The following SLC25A21 variants were observed in gnomAD, a reference collection of about 807,000 sequenced individuals.
SLC25A21 encodes mitochondrial 2-oxodicarboxylate carrier.
In SLC25A21, 47 loss-of-function variants were observed where a neutral mutation model predicts 43.8. That is an observed-to-expected ratio of 1.07 (90% CI 0.85 to 1.37). The LOEUF (loss-of-function observed/expected upper bound fraction) is 1.37. Among genes scored for constraint, SLC25A21 ranks in the 40% most tolerant of loss-of-function variants. SLC25A21 has a pLI of 0.00. For missense variants in SLC25A21, 352 were observed against 350.2 expected (o/e 1.00, Z -0.04); for synonymous variants, 131 against 121.3 (o/e 1.08, Z -0.52).
At chr14:36,903,614 G>GAAAAAAAAAA (rs71124784) in intron 1 of SLC25A21, among the ~76,000 whole-genome samples, 15 of 50,458 alleles carry the variant, frequency 3.0e-4, no homozygotes, top group Admixed American at 1.2e-3. Flanking sequence ...CTCCGTCTCA[G>GAAAAAAAAAA]AAAAAAAAAA....
intron 5 of SLC25A21, among the ~76,000 whole-genome samples, chr14:36,728,612 G>C (rs1003977135): frequency 2.0e-5 from 3 of 152,114 alleles, no homozygotes; most frequent in Non-Finnish European, 4.4e-5. Context: ...GATGCTATTA[G>C]GTTTCCTAAC....
intron 1 of SLC25A21, among the ~76,000 whole-genome samples, chr14:37,005,767 T>C (rs868658345): frequency 6.6e-6 from 1 of 152,196 alleles, no homozygotes; most frequent in Non-Finnish European, 1.5e-5. Context: ...GGAATTAAAA[T>C]GCACCACACA....
At position 36,883,234 on chromosome 14, in the gene SLC25A21, C is replaced by T. The variant is rs137947817; in HGVS notation, c.71-8230G>A. Among the ~76,000 whole-genome samples, 1,147 of 152,282 alleles carry T rather than the reference C, an allele frequency of 7.5e-3. 10 individuals carry two copies. Among genetic ancestry groups the T allele is most frequent in the African/African-American group, 0.026 (1,087 of 41,558 alleles). On this transcript the variant is annotated intron_variant, in intron 1 of 9. Transcript: ENST00000331299. ...ACCTGCTGTCTTACAACTCTCCCCTCCACTGGCTCTACTCCAGCCACACTG... is the reference window on the plus strand; with the variant it reads ...ACCTGCTGTCTTACAACTCTCCCCTTCACTGGCTCTACTCCAGCCACACTG...
chr14:36,986,661 G>A (rs1033052778), intron 1 of SLC25A21, among the ~76,000 whole-genome samples: 3 of 152,124 alleles, frequency 2.0e-5, no homozygotes, highest in African/African-American at 7.2e-5. Flanking sequence ...GGAATCTCCT[G>A]ATCTCACTAT....
chr14:37,159,744 G>C (rs754620979), intron 1 of SLC25A21, among the ~76,000 whole-genome samples: 2 of 152,072 alleles, frequency 1.3e-5, no homozygotes, highest in African/African-American at 4.8e-5. Context: ...AAACTAAAAA[G>C]CTTCTGCATA....
chr14:36,807,595 G>A (rs965869655), intron 3 of SLC25A21, among the ~76,000 whole-genome samples: 13 of 152,202 alleles, frequency 8.5e-5, no homozygotes, highest in African/African-American at 3.1e-4. Flanking sequence ...ACAGGGACAG[G>A]TCTTTCTATT....
chr14:36,680,834 G>GAATC, intron 9 of SLC25A21, 115 bp from the exon 10 acceptor site: 1 of 800,418 alleles, frequency 1.2e-6, no homozygotes, highest in Non-Finnish European at 1.9e-6. Flanking sequence ...AGGCTGTTCG[G>GAATC]AATCAACAGT....
At chr14:36,863,731 A>G (rs1308107591) in intron 2 of SLC25A21, among the ~76,000 whole-genome samples, 3 of 152,196 alleles carry the variant, frequency 2.0e-5, no homozygotes, top group Non-Finnish European at 2.9e-5. Context: ...TTTTTTCCTC[A>G]ATGCCTCAGG....
Position 36,742,788 on chromosome 14 carries a change from G to A in SLC25A21, c.204-8215C>T, listed in dbSNP as rs560768894. 1.3e-3 allele frequency among the ~76,000 whole-genome samples: 198 copies of A among 152,226 alleles called. 1 individual carries two copies. Among genetic ancestry groups the A allele is most frequent in the Non-Finnish European group, 2.5e-3 (173 of 68,010 alleles). ...CAGGTCTTCAGGCAATGACAATATA[G>A]TTTTCATTATTCATTACTGAGAATT... is the stretch of plus-strand genomic sequence containing the variant. On this transcript the variant is annotated intron_variant, in intron 3 of 9. Coordinates refer to ENST00000331299, the MANE Select transcript of SLC25A21 (RefSeq NM_030631.4).
chr14:36,705,414 A>G (rs994884989), intron 7 of SLC25A21, among the ~76,000 whole-genome samples: 2 of 152,168 alleles, frequency 1.3e-5, no homozygotes, highest in African/African-American at 4.8e-5. Context: ...GTGAAAATGT[A>G]AACTAGGTGA....
intron 1 of SLC25A21, among the ~76,000 whole-genome samples, chr14:37,086,324 T>G (rs1661719495): frequency 6.6e-6 from 1 of 152,170 alleles, no homozygotes; most frequent in African/African-American, 2.4e-5. Context: ...TGGTATAAAC[T>G]TGACCATACT....
intron 3 of SLC25A21, among the ~76,000 whole-genome samples, chr14:36,789,698 T>TATATATTTTATATATTTACATATA: frequency 8.5e-6 from 1 of 117,882 alleles, no homozygotes; most frequent in Admixed American, 9.8e-5. Context: ...CACACACACA[T>TATATATTTTATATATTTACATATA]ATATATTTTA....
chr14:37,118,096 C>A (rs963366059), intron 1 of SLC25A21, among the ~76,000 whole-genome samples: 1 of 151,960 alleles, frequency 6.6e-6, no homozygotes, highest in African/African-American at 2.4e-5. Context: ...GGTAGGAACC[C>A]GAATTATACT....
At chr14:37,130,006 C>G (rs964508868) in intron 1 of SLC25A21, among the ~76,000 whole-genome samples, 3 of 142,450 alleles carry the variant, frequency 2.1e-5, no homozygotes, top group Non-Finnish European at 3.0e-5. Flanking sequence ...AATCCCAGCA[C>G]TTTGGGAGGC....
intron 1 of SLC25A21, among the ~76,000 whole-genome samples, chr14:37,027,511 A>G (rs1262298960): frequency 6.6e-6 from 1 of 152,112 alleles, no homozygotes; most frequent in Non-Finnish European, 1.5e-5. Context: ...CCTAGATTTT[A>G]TCTCTTTGTG....
chr14:37,031,927 C>T (rs140671169), intron 1 of SLC25A21, among the ~76,000 whole-genome samples: 78 of 152,242 alleles, frequency 5.1e-4, no homozygotes, highest in African/African-American at 1.5e-3. Flanking sequence ...TCACATTGTA[C>T]GTAGAAAAGA....
intron 1 of SLC25A21, among the ~76,000 whole-genome samples, chr14:37,001,510 A>G (rs1037807930): frequency 4.5e-4 from 69 of 152,194 alleles, no homozygotes; most frequent in Admixed American, 3.3e-4. Flanking sequence ...TATGGCTAAC[A>G]TATGTCAGTC....
At chr14:37,030,848 G>A (rs1487816812) in intron 1 of SLC25A21, among the ~76,000 whole-genome samples, 1 of 152,086 alleles carries the variant, frequency 6.6e-6, no homozygotes, top group African/African-American at 2.4e-5. Flanking sequence ...TTTAGTCAAG[G>A]GTCTCTAAAT....
At chr14:36,763,070 A>C (rs1475205831) in intron 3 of SLC25A21, among the ~76,000 whole-genome samples, 1 of 152,234 alleles carries the variant, frequency 6.6e-6, no homozygotes, top group Admixed American at 6.5e-5. Context: ...AAGCACGAAA[A>C]GCAAAGAGAT....
Sources: gnomAD v4.1 joint callset for allele counts (sites outside exome capture counted in the v4.1 genomes callset) on GRCh38, gnomAD v4.1.1 for gene constraint, MANE v1.5 for transcripts, NCBI Gene and HGNC (gene_info 2026-07-23, HGNC 2026-07-21) for gene names.